CSMD1: variants seen among roughly 807,000 people sequenced by gnomAD.
The protein encoded by CSMD1 is CUB and Sushi multiple domains 1, also known as CUB and sushi domain-containing protein 1.
In CSMD1, 213 loss-of-function variants were observed where a neutral mutation model predicts 417.5. The ratio of observed to expected loss-of-function variants is 0.51; its 90% CI spans 0.46 to 0.57. The LOEUF is 0.57. Ranked by LOEUF, CSMD1 falls within the 20% of genes least tolerant of loss-of-function variation. The pLI, the probability that CSMD1 is intolerant of heterozygous loss-of-function variation, is 0.00. For missense variants in CSMD1, 6,923 were observed against 4,529.7 expected, an observed-to-expected ratio of 1.53 and a Z score of -15.17; for synonymous variants, 2,862 against 1,736.8, an observed-to-expected ratio of 1.65 and a Z score of -16.11.
At position 3,511,245 on chromosome 8, in the gene CSMD1, G is replaced by C. The variant is rs1040738429; in HGVS notation, c.1345-17519C>G. On this transcript the variant is annotated intron_variant, in intron 10 of 69. Transcript: ENST00000635120. ...GGGCCTGTTGGGGGGTGAGAGGCTAGGGAATGAATAGCATTAGGAGAAATA... is the reference window on the plus strand; with the variant it reads ...GGGCCTGTTGGGGGGTGAGAGGCTACGGAATGAATAGCATTAGGAGAAATA... Among the ~76,000 whole-genome samples the C allele has an allele frequency of 3.3e-5, 5 of 151,696 alleles. No homozygotes were observed. The East Asian group carries it at 5.8e-4, about 18-fold the overall frequency.
Position 2,961,193 on chromosome 8 carries a change from G to A in CSMD1, c.9650C>T (p.Pro3217Leu). 1 of 1,599,134 alleles carries A rather than the reference G, an allele frequency of 6.3e-7. No individual in the cohort carries two copies. Among genetic ancestry groups the A allele is most frequent in the Non-Finnish European group, 8.5e-7 (1 of 1,170,354 alleles). ...TCCAAAGTGTGGCGTACCAGGGTCT[G>A]GGCAGGTGTTATGAGCAGGATCTGA... ...TCIDPAHNTC[P>L]DPGTPHFGIQ... Residue 3217 changes from proline (P) to leucine (L), a missense_variant, in exon 62 of 70, where the codon CCA (proline) becomes CTA (leucine). Coordinates refer to ENST00000635120, the MANE Select transcript of CSMD1 (RefSeq NM_033225.6).
chr8:4,789,322 AG>A (rs1407553326), intron 1 of CSMD1, among the ~76,000 whole-genome samples: 1 of 152,218 alleles, frequency 6.6e-6, no homozygotes, highest in Non-Finnish European at 1.5e-5. Flanking sequence ...GTGGTTTAAA[AG>A]CAGTCAACTA....
In CSMD1 at chr8:4,165,891, G is replaced by A. The variant is rs148757853; in HGVS notation, c.416-133792C>T. On this transcript the variant is annotated intron_variant, in intron 3 of 69. Transcript: ENST00000635120. The stretch of plus-strand genomic sequence containing the variant: ...AAATTACTTTTGCACCAACCAACCT[G>A]TGCCTAGCACAGTATCAGATATATA... 2.0e-5 allele frequency among the ~76,000 whole-genome samples: 3 copies of A among 152,178 alleles called. No individual in the cohort carries two copies. In the East Asian group the frequency reaches 5.8e-4, roughly 29 times the overall value.
intron 26 of CSMD1, among the ~76,000 whole-genome samples, chr8:3,277,922 G>A (rs578161861): frequency 6.6e-6 from 1 of 152,250 alleles, no homozygotes; most frequent in South Asian, 2.1e-4. Context: ...AGTTCAAATT[G>A]GTACACATGA....
rs76032408 is a variant in CSMD1 at position 3,999,348 on chromosome 8, C to T, written c.611-1238G>A. Reference sequence around the variant, plus strand: ...AAGTGCATATCTTCGACCCTACCCACCCTCTCTCCACCAAAATTATACCGA... The same window carrying T: ...AAGTGCATATCTTCGACCCTACCCATCCTCTCTCCACCAAAATTATACCGA... On this transcript the variant is annotated intron_variant, in intron 4 of 69. Coordinates refer to ENST00000635120, the MANE Select transcript of CSMD1 (RefSeq NM_033225.6). Among the ~76,000 whole-genome samples the T allele has an allele frequency of 2.9e-3, 443 of 152,250 alleles. 13 individuals are homozygous for T. The East Asian group carries it at 0.056, about 19-fold the overall frequency.
chr8:3,817,325 G>C (rs1801441927), intron 5 of CSMD1, among the ~76,000 whole-genome samples: 1 of 124,654 alleles, frequency 8.0e-6, no homozygotes, highest in South Asian at 2.8e-4. Context: ...GTGTCACCCA[G>C]GCTGGAGTAC....
intron 3 of CSMD1, among the ~76,000 whole-genome samples, chr8:4,203,369 G>T (rs757177340): frequency 1.3e-5 from 2 of 152,062 alleles, no homozygotes; most frequent in Non-Finnish European, 1.5e-5. Context: ...TCCAACCTGT[G>T]GAAATATGAG....
At chr8:3,673,282 A>C (rs1799179139) in intron 7 of CSMD1, among the ~76,000 whole-genome samples, 1 of 152,172 alleles carries the variant, frequency 6.6e-6, no homozygotes, top group African/African-American at 2.4e-5. Flanking sequence ...TTTTTCTCAA[A>C]TCCGTATCCT....
At chr8:3,931,572 G>A (rs1300232037) in intron 5 of CSMD1, among the ~76,000 whole-genome samples, 1 of 150,050 alleles carries the variant, frequency 6.7e-6, no homozygotes, top group African/African-American at 2.5e-5. Context: ...AGGTCAGGCA[G>A]CAGTCAGTGC....
intron 1 of CSMD1, among the ~76,000 whole-genome samples, chr8:4,797,349 G>T (rs1421099446): frequency 6.6e-6 from 1 of 152,208 alleles, no homozygotes; most frequent in East Asian, 1.9e-4. Flanking sequence ...TGAAGCAGGA[G>T]AAAGGGAGCA....
intron 1 of CSMD1, among the ~76,000 whole-genome samples, chr8:4,692,792 C>G (rs902593781): frequency 4.6e-4 from 70 of 152,172 alleles, no homozygotes; most frequent in Non-Finnish European, 8.8e-5. Flanking sequence ...CGGGCCCTCC[C>G]TGGAATTCTC....
intron 3 of CSMD1, among the ~76,000 whole-genome samples, chr8:4,270,510 G>C (rs958307750): frequency 1.3e-5 from 2 of 152,138 alleles, no homozygotes; most frequent in African/African-American, 4.8e-5. Context: ...GCTTTTCTGA[G>C]TCTCCTCTCT....
At chr8:4,304,387 T>C (rs1563421493) in intron 3 of CSMD1, among the ~76,000 whole-genome samples, 1 of 152,138 alleles carries the variant, frequency 6.6e-6, no homozygotes, top group Non-Finnish European at 1.5e-5. Context: ...ATGTTGTAAA[T>C]AGAGAAATTA....
intron 5 of CSMD1, among the ~76,000 whole-genome samples, chr8:3,920,472 C>G (rs1318043431): frequency 6.6e-6 from 1 of 151,836 alleles, no homozygotes; most frequent in African/African-American, 2.4e-5. Flanking sequence ...GCCTTTTATT[C>G]TTTTACTTTC....
chr8:4,211,977 T>A (rs190139104), intron 3 of CSMD1, among the ~76,000 whole-genome samples: 1 of 152,142 alleles, frequency 6.6e-6, no homozygotes, highest in Non-Finnish European at 1.5e-5. Flanking sequence ...TTTTTAGCAG[T>A]ATGTCTTCTG....
chr8:4,375,657 G>GT (rs1563108617), intron 3 of CSMD1, among the ~76,000 whole-genome samples: 2 of 152,132 alleles, frequency 1.3e-5, no homozygotes, highest in Non-Finnish European at 2.9e-5. Flanking sequence ...GCTGGTGGAA[G>GT]GATAAGGGAG....
chr8:4,742,441 G>C (rs1342771556), intron 1 of CSMD1, among the ~76,000 whole-genome samples: 1 of 152,024 alleles, frequency 6.6e-6, no homozygotes, highest in Non-Finnish European at 1.5e-5. Context: ...TTATGACTAA[G>C]ATTAGAGGTA....
intron 23 of CSMD1, among the ~76,000 whole-genome samples, chr8:3,324,877 G>C (rs1037981482): frequency 6.6e-6 from 1 of 151,898 alleles, no homozygotes; most frequent in African/African-American, 2.4e-5. Flanking sequence ...CAATTGCCTT[G>C]GTATGTTTTC....
Position 4,952,212 on chromosome 8 carries a change from G to C in CSMD1, c.85+42120C>G, listed in dbSNP as rs1456967206. Among the ~76,000 whole-genome samples the C allele has an allele frequency of 2.6e-5, 4 of 151,916 alleles. No homozygotes were observed. The East Asian group carries it at 7.7e-4, about 29-fold the overall frequency. The stretch of plus-strand genomic sequence containing the variant: ...GTAATGTAATCAAAACGTAAATAAA[G>C]CCATGTTTGCTCCGTGGAGTTAATT... On this transcript the variant is annotated intron_variant, in intron 1 of 69. Coordinates refer to ENST00000635120, the MANE Select transcript of CSMD1 (RefSeq NM_033225.6).
Sources: gnomAD v4.1 joint callset for allele counts (sites outside exome capture counted in the v4.1 genomes callset) on GRCh38, gnomAD v4.1.1 for gene constraint, MANE v1.5 for transcripts, NCBI Gene and HGNC (gene_info 2026-07-23, HGNC 2026-07-21) for gene names.